NEBL: variants seen among roughly 807,000 people sequenced by gnomAD.
The protein encoded by NEBL is LIM and SH3 protein 2.
In NEBL, 122 loss-of-function variants were observed where a neutral mutation model predicts 140.2. The ratio of observed to expected loss-of-function variants is 0.87; its 90% CI spans 0.75 to 1.01. The LOEUF is 1.01. Among genes scored for constraint, NEBL ranks in the 50% least tolerant of loss-of-function variants. The pLI, the probability that NEBL is intolerant of heterozygous loss-of-function variation, is 0.00. For missense variants in NEBL, 1,365 were observed against 1,231.3 expected (o/e 1.11, Z -1.62); for synonymous variants, 436 against 398.9 (o/e 1.09, Z -1.11).
chr10:21,025,757 G>A (rs1216128456), intron 2 of NEBL, among the ~76,000 whole-genome samples: 1 of 152,058 alleles, frequency 6.6e-6, no homozygotes, highest in Non-Finnish European at 1.5e-5. Context: ...TTTGGGTTAG[G>A]TTTCTTAACC....
chr10:21,116,242 A>G (rs1270875175), intron 2 of NEBL, among the ~76,000 whole-genome samples: 2 of 152,078 alleles, frequency 1.3e-5, no homozygotes, highest in Non-Finnish European at 2.9e-5. Flanking sequence ...ATTTCTTACC[A>G]TTCTGTAGGT....
chr10:21,140,717 A>T (rs1589275964), intron 2 of NEBL, among the ~76,000 whole-genome samples: 1 of 152,348 alleles, frequency 6.6e-6, no homozygotes, highest in South Asian at 2.1e-4. Flanking sequence ...ACTAATATCA[A>T]TTTAAAACTA....
At chr10:20,939,862 A>T (rs1834747541) in intron 4 of NEBL, among the ~76,000 whole-genome samples, 1 of 152,238 alleles carries the variant, frequency 6.6e-6, no homozygotes, top group Non-Finnish European at 1.5e-5. Flanking sequence ...TGGTAAAGGG[A>T]TCAATTCAAC....
chr10:21,194,649 T>G lies in NEBL; in HGVS notation n.349-22172A>C, dbSNP rs559814673. ...GCTGTCCTGGGAGTGGAGCCAAGAA[T>G]AGAGAAAGGGAAGTCCTATACCCGT... On this transcript the variant is annotated intron_variant and non_coding_transcript_variant, in intron 3 of 8. Transcript: ENST00000675702. Among the ~76,000 whole-genome samples, 282 of 152,196 alleles carry G rather than the reference T, an allele frequency of 1.9e-3. 1 individual carries two copies. Among genetic ancestry groups the G allele is most frequent in the African/African-American group, 6.5e-3 (268 of 41,518 alleles).
chr10:20,986,290 C>T (rs1282453381), intron 3 of NEBL, among the ~76,000 whole-genome samples: 2 of 152,216 alleles, frequency 1.3e-5, no homozygotes, highest in African/African-American at 4.8e-5. Flanking sequence ...GATTAGCCTA[C>T]TCCAAAACAA....
intron 2 of NEBL, among the ~76,000 whole-genome samples, chr10:21,141,590 T>C (rs1198027018): frequency 2.0e-5 from 3 of 152,190 alleles, no homozygotes. Context: ...GTTTATTTAA[T>C]GCCACCCTTG....
chr10:21,244,652 C>CA lies in NEBL; in HGVS notation n.348+3268dup, dbSNP rs546623304. Among the ~76,000 whole-genome samples the CA allele has an allele frequency of 2.0e-4, 30 of 149,298 alleles. No individual in the cohort carries two copies. In the East Asian group the frequency reaches 5.8e-3, roughly 29 times the overall value. ...GGGCGAAAAGAGCAAGACTCTGTCT[C>CA]AAAAAAATAAAATTAAACTAAAAAT... On this transcript the variant is annotated intron_variant and non_coding_transcript_variant, in intron 3 of 8. Coordinates refer to the NEBL transcript ENST00000675702.
upstream of NEBL, chr10:21,174,627 G>T: frequency 6.6e-6 from 1 of 152,442 alleles, no homozygotes; most frequent in Non-Finnish European, 1.5e-5. Flanking sequence ...GGCCGTCTCT[G>T]CTGCGCGCAG....
At chr10:21,146,408 C>G (rs747156805) in intron 2 of NEBL, 8 of 1,603,952 alleles carry the variant, frequency 5.0e-6, no homozygotes, top group Admixed American at 1.7e-5. Flanking sequence ...TAGTAAAGCA[C>G]AAACACTCTC....
At position 20,785,569 on chromosome 10, in the gene NEBL, G is replaced by T; in HGVS notation, c.*178C>A. ...TTTGTTTGTAGGAATTACTGAAAAT[G>T]CTGCTGTTTTCAGCCCAGAGGTCAT... On this transcript the variant is annotated 3_prime_UTR_variant, in exon 28 of 28. Coordinates refer to ENST00000377122, the MANE Select transcript of NEBL (RefSeq NM_006393.3). 1.4e-6 allele frequency: 1 copy of T among 690,614 alleles called. No individual in the cohort carries two copies. The highest frequency in any genetic ancestry group is 2.4e-6 in the Non-Finnish European group (1 of 412,172). 42.8% of individuals were successfully genotyped at this position (690,614 alleles called of 1,614,324 possible). A position where few individuals can be genotyped will look rare whatever the true frequency, so the allele number is the denominator to read the frequency against.
chr10:21,075,538 G>C (rs1836024787), intron 2 of NEBL, among the ~76,000 whole-genome samples: 1 of 152,156 alleles, frequency 6.6e-6, no homozygotes, highest in African/African-American at 2.4e-5. Context: ...GACAGGGGTT[G>C]CTTTGTCCTT....
At chr10:21,010,408 C>T (rs145401829) in intron 3 of NEBL, among the ~76,000 whole-genome samples, 1 of 147,562 alleles carries the variant, frequency 6.8e-6, no homozygotes, top group Non-Finnish European at 1.5e-5. Flanking sequence ...CCATGCCCAG[C>T]GAATTTTTTA....
At chr10:21,115,869 G>GT (rs1838260425) in intron 2 of NEBL, among the ~76,000 whole-genome samples, 1 of 151,422 alleles carries the variant, frequency 6.6e-6, no homozygotes, top group African/African-American at 2.4e-5. Context: ...CACTCCTTTT[G>GT]TGACTATAAT....
At chr10:20,804,686 G>A (rs58215047) in intron 26 of NEBL, 12,007 of 152,248 alleles carry the variant, frequency 0.079, 540 homozygotes, top group Admixed American at 0.1. Flanking sequence ...AAGCATTCTT[G>A]GAAAGTTTGA....
intron 3 of NEBL, among the ~76,000 whole-genome samples, chr10:21,009,203 G>A (rs1838244070): frequency 6.6e-6 from 1 of 152,032 alleles, no homozygotes; most frequent in Non-Finnish European, 1.5e-5. Flanking sequence ...CTCTATGACT[G>A]CCTAATTAAA....
chr10:21,049,751 TTTGCAGG>T (rs1457018131), intron 2 of NEBL, among the ~76,000 whole-genome samples: 3 of 152,208 alleles, frequency 2.0e-5, no homozygotes, highest in Non-Finnish European at 4.4e-5. Context: ...CATCCCCTTC[TTTGCAGG>T]CAAAGGCTGT....
chr10:20,857,939 T>G (rs1246352676), intron 9 of NEBL, among the ~76,000 whole-genome samples: 2 of 152,044 alleles, frequency 1.3e-5, no homozygotes, highest in Admixed American at 6.6e-5. Context: ...GAACTTCAAG[T>G]GGCTTTAATC....
chr10:21,227,773 TG>T (rs1842188542), intron 3 of NEBL, among the ~76,000 whole-genome samples: 1 of 141,486 alleles, frequency 7.1e-6, no homozygotes, highest in African/African-American at 2.6e-5. Flanking sequence ...TTCTTCTTTC[TG>T]CTTCTTCTTT....
chr10:21,102,904 C>A (rs992090069), intron 2 of NEBL, among the ~76,000 whole-genome samples: 2 of 151,998 alleles, frequency 1.3e-5, no homozygotes, highest in Admixed American at 6.6e-5. Context: ...TGTGCCATAG[C>A]GGTTTGCTGT....
Sources: gnomAD v4.1 joint callset for allele counts (sites outside exome capture counted in the v4.1 genomes callset) on GRCh38, gnomAD v4.1.1 for gene constraint, MANE v1.5 for transcripts, NCBI Gene and HGNC (gene_info 2026-07-23, HGNC 2026-07-21) for gene names.